The following ARHGAP24 variants were observed in gnomAD, a reference collection of about 807,000 sequenced individuals.
ARHGAP24 encodes Rho GTPase activating protein 24.
ARHGAP24 carries 50 observed loss-of-function variants against 76.4 expected under a neutral mutation model. The observed-to-expected ratio is 0.65, with a 90% CI of 0.52 to 0.83. The LOEUF is 0.83. ARHGAP24 is among the 40% of genes least tolerant of loss of function. The pLI is 0.00. For synonymous variants in ARHGAP24, 345 were observed against 323.3 expected (o/e 1.07, Z -0.72); for missense variants, 930 against 914.2 (o/e 1.02, Z -0.22).
chr4:85,556,380 C>T (rs2128093), intron 1 of ARHGAP24, among the ~76,000 whole-genome samples: 2 of 152,006 alleles, frequency 1.3e-5, no homozygotes, highest in Non-Finnish European at 2.9e-5. Flanking sequence ...TGAGGCAAGA[C>T]CCCTGCCTGG....
chr4:85,849,212 G>A lies in ARHGAP24; in HGVS notation c.269-74436G>A, dbSNP rs1292738907. Among the ~76,000 whole-genome samples, 3 of 149,728 alleles carry A rather than the reference G, an allele frequency of 2.0e-5. No individual in the cohort carries two copies. The East Asian group carries it at 5.9e-4, about 29-fold the overall frequency. ...GTCTTTTATTCTCTTTGAAGCAATT[G>A]TGAATGAGAGTTCACTCTTGATTTG... On this transcript the variant is annotated intron_variant, in intron 3 of 9. Transcript: ENST00000395184.
chr4:85,867,950 G>T (rs1732300942), intron 3 of ARHGAP24, among the ~76,000 whole-genome samples: 1 of 147,362 alleles, frequency 6.8e-6, no homozygotes, highest in Admixed American at 6.8e-5. Context: ...TAACTGAGAT[G>T]GGTCTCAATC....
At chr4:85,929,915 G>A (rs1257264121) in intron 4 of ARHGAP24, among the ~76,000 whole-genome samples, 1 of 152,198 alleles carries the variant, frequency 6.6e-6, no homozygotes, top group Admixed American at 6.5e-5. Context: ...TGTGATTTCT[G>A]GAGGGGCTGA....
chr4:85,539,328 C>G (rs1019722898), intron 1 of ARHGAP24, among the ~76,000 whole-genome samples: 1 of 152,098 alleles, frequency 6.6e-6, no homozygotes, highest in Non-Finnish European at 1.5e-5. Flanking sequence ...GTAAGGCAAA[C>G]TTTTTAAACT....
chr4:85,608,719 A>T (rs748575276), intron 2 of ARHGAP24, among the ~76,000 whole-genome samples: 15 of 151,660 alleles, frequency 9.9e-5, no homozygotes, highest in Non-Finnish European at 1.9e-4. Context: ...CACCCTGCCC[A>T]GCTAATTTTT....
At chr4:85,637,279 A>G (rs1449633698) in intron 2 of ARHGAP24, among the ~76,000 whole-genome samples, 2 of 152,090 alleles carry the variant, frequency 1.3e-5, no homozygotes, top group Non-Finnish European at 2.9e-5. Context: ...AAAAAAGCTG[A>G]CATGAGCCAA....
chr4:85,642,321 AAT>A (rs544135180), intron 2 of ARHGAP24, among the ~76,000 whole-genome samples: 75 of 152,214 alleles, frequency 4.9e-4, no homozygotes, highest in Admixed American at 9.8e-4. Context: ...CAGATACATA[AAT>A]ATATATATTA....
chr4:85,793,459 A>C (rs1389071749), intron 3 of ARHGAP24, among the ~76,000 whole-genome samples: 1 of 152,172 alleles, frequency 6.6e-6, no homozygotes, highest in Non-Finnish European at 1.5e-5. Flanking sequence ...AAAAAAATGA[A>C]AACAGGGCAA....
intron 2 of ARHGAP24, among the ~76,000 whole-genome samples, chr4:85,655,711 G>A (rs1722113885): frequency 6.7e-6 from 1 of 149,522 alleles, no homozygotes; most frequent in Non-Finnish European, 1.5e-5. Flanking sequence ...TGCGGAGGTT[G>A]CAGTGAGCCG....
intron 5 of ARHGAP24, 138 bp downstream of exon 5, chr4:85,942,411 C>T: frequency 9.5e-7 from 1 of 1,050,044 alleles, no homozygotes; most frequent in Non-Finnish European, 1.4e-6. Context: ...CAGGAGTTTG[C>T]ATTGTTTCTA....
chr4:85,797,259 GCCTCC>G (rs1303943085), intron 3 of ARHGAP24, among the ~76,000 whole-genome samples: 1 of 151,708 alleles, frequency 6.6e-6, no homozygotes, highest in Non-Finnish European at 1.5e-5. Context: ...TGCAAGCTCC[GCCTCC>G]CGGGTTCACG....
intron 2 of ARHGAP24, among the ~76,000 whole-genome samples, chr4:85,668,042 T>G (rs1183522866): frequency 6.6e-6 from 1 of 152,192 alleles, no homozygotes; most frequent in African/African-American, 2.4e-5. Flanking sequence ...AGTTAGACAT[T>G]TCAAGGCTTA....
At chr4:85,689,006 G>A (rs1190068937) in intron 2 of ARHGAP24, among the ~76,000 whole-genome samples, 1 of 152,030 alleles carries the variant, frequency 6.6e-6, no homozygotes, top group Admixed American at 6.5e-5. Flanking sequence ...TGTTACTTTT[G>A]CTTAGGATTG....
intron 3 of ARHGAP24, among the ~76,000 whole-genome samples, chr4:85,759,071 T>C (rs551065444): frequency 5.9e-5 from 9 of 152,362 alleles, no homozygotes; most frequent in African/African-American, 2.2e-4. Context: ...GATTATCAGA[T>C]GTTCAATGAA....
At chr4:85,843,782 G>T (rs1256527143) in intron 3 of ARHGAP24, among the ~76,000 whole-genome samples, 1 of 152,002 alleles carries the variant, frequency 6.6e-6, no homozygotes. Flanking sequence ...GGAAATTTAA[G>T]CCATAGACTA....
intron 5 of ARHGAP24, among the ~76,000 whole-genome samples, chr4:85,954,826 G>A (rs987332640): frequency 4.6e-5 from 7 of 152,156 alleles, no homozygotes; most frequent in African/African-American, 1.7e-4. Flanking sequence ...TGGCCAACAT[G>A]GAGAAACCCT....
chr4:85,483,290 G>C (rs1198762339), intron 1 of ARHGAP24, among the ~76,000 whole-genome samples: 1 of 151,930 alleles, frequency 6.6e-6, no homozygotes, highest in Non-Finnish European at 1.5e-5. Flanking sequence ...GAATGAAAAA[G>C]AATAGAATAA....
intron 1 of ARHGAP24, among the ~76,000 whole-genome samples, chr4:85,518,304 G>A (rs957431368): frequency 2.6e-5 from 4 of 151,358 alleles, no homozygotes; most frequent in Non-Finnish European, 4.4e-5. Context: ...TGTTCCCAAG[G>A]GTTTTCTAGT....
intron 2 of ARHGAP24, among the ~76,000 whole-genome samples, chr4:85,660,895 AT>A (rs1259028731): frequency 2.7e-5 from 4 of 149,898 alleles, no homozygotes; most frequent in Non-Finnish European, 5.9e-5. Context: ...TTTGTAGCCG[AT>A]TTGGTATTTT....
Sources: allele counts gnomAD v4.1 joint callset (sites outside exome capture counted in the v4.1 genomes callset), GRCh38; gene constraint gnomAD v4.1.1; transcripts MANE v1.5; gene names NCBI Gene and HGNC (gene_info 2026-07-23, HGNC 2026-07-21).